THSD7B: variants seen among roughly 807,000 people sequenced by gnomAD.
THSD7B encodes thrombospondin type-1 domain-containing protein 7B.
Under a neutral mutation model 213.6 loss-of-function variants are expected in THSD7B, and 138 were observed. The ratio of observed to expected loss-of-function variants is 0.65; its 90% confidence interval spans 0.56 to 0.74. THSD7B has a LOEUF of 0.74. Ranked by LOEUF, THSD7B falls within the 30% of genes least tolerant of loss-of-function variation. The pLI is 0.00. For synonymous variants in THSD7B, 742 were observed against 687.0 expected (o/e 1.08, Z -1.25); for missense variants, 1,931 against 1,991.5 (o/e 0.97, Z 0.58).
At chr2:137,346,478 T>TTC (rs139028202) in intron 12 of THSD7B, among the ~76,000 whole-genome samples, 5,635 of 147,550 alleles carry the variant, frequency 0.038, 344 homozygotes, top group African/African-American at 0.13. Context: ...TAATATTCCA[T>TTC]TCTCTCTCTC....
intron 18 of THSD7B, 41 bp from the exon 19 acceptor site, chr2:137,618,351 C>T (rs1682447025): frequency 6.4e-7 from 1 of 1,553,156 alleles, no homozygotes; most frequent in Admixed American, 1.7e-5. Flanking sequence ...CTCACATGGC[C>T]ATAATTTTGA....
At chr2:137,293,479 C>CT (rs1411567829) in intron 12 of THSD7B, among the ~76,000 whole-genome samples, 1 of 151,756 alleles carries the variant, frequency 6.6e-6, no homozygotes, top group Non-Finnish European at 1.5e-5. Flanking sequence ...TACCTCATAC[C>CT]TTTTCTTTTT....
chr2:136,817,234 A>C (rs2104934770), intron 1 of THSD7B, among the ~76,000 whole-genome samples: 1 of 152,324 alleles, frequency 6.6e-6, no homozygotes, highest in South Asian at 2.1e-4. Context: ...TTACTTGTCA[A>C]ATTTGTTTAA....
intron 27 of THSD7B, among the ~76,000 whole-genome samples, chr2:137,670,221 T>G (rs1683533023): frequency 6.6e-6 from 1 of 152,308 alleles, no homozygotes; most frequent in South Asian, 2.1e-4. Flanking sequence ...ATCTGCAGTC[T>G]ACAGCCAGAT....
chr2:137,641,069 G>A (rs1488394678), intron 20 of THSD7B, among the ~76,000 whole-genome samples: 3 of 152,004 alleles, frequency 2.0e-5, no homozygotes, highest in African/African-American at 7.3e-5. Context: ...TTCTATCCAG[G>A]GTTTTCAAGT....
intron 2 of THSD7B, among the ~76,000 whole-genome samples, chr2:136,925,406 T>C (rs533792846): frequency 2.0e-4 from 31 of 152,350 alleles, no homozygotes; most frequent in African/African-American, 7.2e-4. Context: ...TTTCAAATGC[T>C]GGTTCTGCAT....
At chr2:136,881,237 T>C (rs1489787245) in intron 1 of THSD7B, among the ~76,000 whole-genome samples, 1 of 152,200 alleles carries the variant, frequency 6.6e-6, no homozygotes, top group Non-Finnish European at 1.5e-5. Context: ...TTCTTAATAC[T>C]ACTGTTAGAG....
At chr2:136,881,134 T>G (rs2104990564) in intron 1 of THSD7B, among the ~76,000 whole-genome samples, 1 of 152,322 alleles carries the variant, frequency 6.6e-6, no homozygotes, top group African/African-American at 2.4e-5. Context: ...TTCCCTAGTC[T>G]CTTCTCAAAT....
At chr2:137,188,298 A>G (rs941848007) in intron 7 of THSD7B, among the ~76,000 whole-genome samples, 1 of 152,094 alleles carries the variant, frequency 6.6e-6, no homozygotes, top group African/African-American at 2.4e-5. Context: ...TTACCAGCAA[A>G]TGGATATTTC....
intron 7 of THSD7B, among the ~76,000 whole-genome samples, chr2:137,202,083 C>T (rs890189912): frequency 3.3e-5 from 5 of 152,052 alleles, no homozygotes; most frequent in Non-Finnish European, 5.9e-5. Flanking sequence ...ACATTCAGAA[C>T]GCTGTCTTTT....
intron 2 of THSD7B, among the ~76,000 whole-genome samples, chr2:137,002,605 C>A (rs922773251): frequency 7.2e-5 from 11 of 152,272 alleles, no homozygotes; most frequent in Admixed American, 1.3e-4. Flanking sequence ...TCTCTGTTCT[C>A]TATCATCCTC....
intron 2 of THSD7B, among the ~76,000 whole-genome samples, chr2:136,956,507 A>AT (rs902589032): frequency 9.9e-5 from 14 of 141,682 alleles, no homozygotes; most frequent in Non-Finnish European, 1.5e-4. Context: ...TTTATTTTTT[A>AT]TTTTTTTTTA....
At chr2:137,206,770 C>T (rs1440617669) in intron 7 of THSD7B, among the ~76,000 whole-genome samples, 1 of 152,032 alleles carries the variant, frequency 6.6e-6, no homozygotes, top group Admixed American at 6.6e-5. Flanking sequence ...TAGAGAGTCA[C>T]TATTCACAGA....
intron 15 of THSD7B, among the ~76,000 whole-genome samples, chr2:137,465,842 T>G (rs576447528): frequency 2.0e-5 from 3 of 152,286 alleles, no homozygotes; most frequent in Non-Finnish European, 4.4e-5. Flanking sequence ...TAATCTCTTT[T>G]GGAAGATGGT....
chr2:137,155,829 C>T (rs1409387228), intron 5 of THSD7B: 1 of 152,170 alleles, frequency 6.6e-6, no homozygotes, highest in Non-Finnish European at 1.5e-5. Flanking sequence ...TCTGTCATGT[C>T]ACGTGTTGCC....
chr2:137,575,653 A>T (rs1356538351), intron 17 of THSD7B, among the ~76,000 whole-genome samples: 1 of 151,346 alleles, frequency 6.6e-6, no homozygotes, highest in Non-Finnish European at 1.5e-5. Flanking sequence ...TTCAAGGAGG[A>T]ATTTGAAGAA....
chr2:136,833,385 A>AAGAG, intron 1 of THSD7B, among the ~76,000 whole-genome samples: 1 of 136,366 alleles, frequency 7.3e-6, no homozygotes, highest in African/African-American at 3.0e-5. Context: ...AAAAAAAAAA[A>AAGAG]AGAGAGAGAG....
intron 7 of THSD7B, among the ~76,000 whole-genome samples, chr2:137,190,899 G>A (rs1396640616): frequency 6.6e-6 from 1 of 152,196 alleles, no homozygotes; most frequent in Non-Finnish European, 1.5e-5. Flanking sequence ...TCTGGCGGCT[G>A]TTTGCTGGCA....
chr2:137,189,561 T>C (rs925883889), intron 7 of THSD7B, among the ~76,000 whole-genome samples: 1 of 139,214 alleles, frequency 7.2e-6, no homozygotes, highest in African/African-American at 2.5e-5. Context: ...CCATGACCTA[T>C]GCCCTCCAGA....
Sources: gnomAD v4.1 joint callset for allele counts (sites outside exome capture counted in the v4.1 genomes callset) on GRCh38, gnomAD v4.1.1 for gene constraint, MANE v1.5 for transcripts, NCBI Gene and HGNC (gene_info 2026-07-23, HGNC 2026-07-21) for gene names.